The following CYP2E1 variants were observed in gnomAD, a reference collection of about 807,000 sequenced individuals.
The protein encoded by CYP2E1 is cytochrome P450 family 2 subfamily E member 1, also known as cytochrome P450 2E1.
CYP2E1 carries 31 observed loss-of-function variants against 42.9 expected under a neutral mutation model. The observed-to-expected ratio is 0.72, with a 90% CI of 0.54 to 0.98. The LOEUF (loss-of-function observed/expected upper bound fraction) is 0.98. Ranked by LOEUF, CYP2E1 falls within the 50% of genes least tolerant of loss-of-function variation. CYP2E1 has a pLI of 0.00. For synonymous variants in CYP2E1, 244 were observed against 248.9 expected, an observed-to-expected ratio of 0.98 and a Z score of 0.19; for missense variants, 565 against 633.2, an observed-to-expected ratio of 0.89 and a Z score of 1.16.
Position 133,539,026 on chromosome 10 carries a change from G to T in CYP2E1, c.*62G>T. On this transcript the variant is annotated 3_prime_UTR_variant, in exon 9 of 9. Coordinates refer to ENST00000252945, the MANE Select transcript of CYP2E1 (RefSeq NM_000773.4). ...CAAGTTTTCAAATTGTTTGAGGTCA[G>T]GATTTCTCAAACTGATTCCTTTCTT... 1 of 1,374,262 alleles carries T rather than the reference G, an allele frequency of 7.3e-7. No individual in the cohort carries two copies. The highest frequency in any genetic ancestry group is 9.9e-7 in the Non-Finnish European group (1 of 1,014,018). The allele number at this position is 1,374,262 out of a possible 1,614,324, so 85.1% of individuals were successfully genotyped here.
intron 6 of CYP2E1, among the ~76,000 whole-genome samples, chr10:133,536,320 G>A (rs1851395063): frequency 6.6e-6 from 1 of 151,942 alleles, no homozygotes; most frequent in Non-Finnish European, 1.5e-5. Flanking sequence ...AAAGGACCTG[G>A]GGAACCTTAA....
Position 133,532,844 on chromosome 10 carries a change from C to T in CYP2E1, c.801C>T (p.Asp267=). 6.2e-7 allele frequency: 1 copy of T among 1,607,724 alleles called. No homozygotes were observed. ...CCAACTGTCCCCGGGACCTCACCGA[C>T]TGCCTGCTCGTGGAAATGGAGAAGG... ...LDPNCPRDLT[D]CLLVEMEKEK... The change falls in exon 5 of 9, where the codon GAC becomes GAT. Residue 267 remains aspartate, a synonymous_variant. Transcript: ENST00000252945.
chr10:133,532,467 C>A (rs932615346), intron 4 of CYP2E1, among the ~76,000 whole-genome samples, 183 bp downstream of exon 4: 2 of 152,164 alleles, frequency 1.3e-5, no homozygotes, highest in Non-Finnish European at 2.9e-5. Flanking sequence ...CACGCACCCC[C>A]TTTCCTAACG....
intron 2 of CYP2E1, 32 bp downstream of exon 2, chr10:133,528,672 G>T (rs549257638): frequency 6.2e-7 from 1 of 1,611,052 alleles, no homozygotes; most frequent in East Asian, 2.2e-5. Flanking sequence ...GGAGCGGGGG[G>T]TGCATAACAC....
At chr10:133,536,318 TG>T (rs1851395020) in intron 6 of CYP2E1, among the ~76,000 whole-genome samples, 1 of 152,012 alleles carries the variant, frequency 6.6e-6, no homozygotes, top group Non-Finnish European at 1.5e-5. Context: ...TCAAAGGACC[TG>T]GGGAACCTTA....
At chr10:133,528,407 G>T (rs936491511) in intron 1 of CYP2E1, 74 bp from the exon 2 acceptor site, 24 of 1,557,532 alleles carry the variant, frequency 1.5e-5, no homozygotes, top group Non-Finnish European at 2.0e-5. Flanking sequence ...TACCCGCCCG[G>T]CAGGGGTGTG....
chr10:133,536,877 A>G (rs1444574322), intron 6 of CYP2E1, among the ~76,000 whole-genome samples, 186 bp from the exon 7 acceptor site: 4 of 140,030 alleles, frequency 2.9e-5, no homozygotes, highest in Admixed American at 7.0e-5. Context: ...GGGTGGGTGG[A>G]TGGATGCATG....
intron 8 of CYP2E1, among the ~76,000 whole-genome samples, 159 bp from the exon 9 acceptor site, chr10:133,538,621 A>C (rs373029657): frequency 6.6e-6 from 1 of 152,112 alleles, no homozygotes; most frequent in East Asian, 1.9e-4. Flanking sequence ...ACTCAAGTAC[A>C]TTTTGTGCTT....
At position 133,532,412 on chromosome 10, in the gene CYP2E1, G is replaced by A. The variant is rs951786242; in HGVS notation, c.648+128G>A. ...AACAACATAGCTTCGAGGGGTGTTT[G>A]ATTAGACAGCCCAAATATTCCTCCC... On this transcript the variant is annotated intron_variant, in intron 4 of 8. Coordinates refer to ENST00000252945, the MANE Select transcript of CYP2E1 (RefSeq NM_000773.4). 9.6e-6 allele frequency: 9 copies of A among 933,956 alleles called. No individual in the cohort carries two copies. The Admixed American group carries it at 1.8e-4, about 18-fold the overall frequency. 57.9% of individuals were successfully genotyped at this position (933,956 alleles called of 1,614,324 possible).
At chr10:133,536,804 G>C (rs1470003686) in intron 6 of CYP2E1, among the ~76,000 whole-genome samples, 3 of 129,590 alleles carry the variant, frequency 2.3e-5, no homozygotes, top group Non-Finnish European at 5.0e-5. Flanking sequence ...AGGGTGGATG[G>C]ATGGGTGGTT....
intron 1 of CYP2E1, chr10:133,527,944 G>A (rs41299400): frequency 0.011 from 2,784 of 262,034 alleles, 93 homozygotes; most frequent in African/African-American, 0.057. Context: ...CAGCCCGTGT[G>A]GCACCAATAC....
At chr10:133,532,306 A>G in intron 4 of CYP2E1, 22 bp downstream of exon 4, 1 of 1,606,634 alleles carries the variant, frequency 6.2e-7, no homozygotes, top group Non-Finnish European at 8.5e-7. Flanking sequence ...TTCCTCTTTC[A>G]TCAGTCATCA....
intron 7 of CYP2E1, 136 bp downstream of exon 7, chr10:133,537,386 C>T: frequency 2.4e-6 from 2 of 844,208 alleles, no homozygotes; most frequent in Non-Finnish European, 3.7e-6. Context: ...TGGCCCCACT[C>T]CCACCCTGTG....
At chr10:133,534,024 T>G in intron 6 of CYP2E1, 127 bp downstream of exon 6, 1 of 1,028,898 alleles carries the variant, frequency 9.7e-7, no homozygotes. Flanking sequence ...TGTGGTGAGA[T>G]GGCTAGATGC....
At position 133,531,751 on chromosome 10, in the gene CYP2E1, T is replaced by C; in HGVS notation, c.487+17T>C. 1 of 1,568,992 alleles carries C rather than the reference T, an allele frequency of 6.4e-7. No homozygotes were observed. The highest frequency in any genetic ancestry group is 1.9e-4 in the Middle Eastern group (1 of 5,236). ...AGACCCAAGGTGCGTATCTGCTGCCTAGCAGGGCCCAGTCCTCTTGCAGAC... is the reference window on the plus strand; with the variant it reads ...AGACCCAAGGTGCGTATCTGCTGCCCAGCAGGGCCCAGTCCTCTTGCAGAC... On this transcript the variant is annotated intron_variant, in intron 3 of 8. Transcript: ENST00000252945.
chr10:133,531,886 T>G, intron 3 of CYP2E1, 152 bp downstream of exon 3: 2 of 851,256 alleles, frequency 2.3e-6, no homozygotes, highest in Non-Finnish European at 3.6e-6. Context: ...TTTACAACTC[T>G]AGGTTCCAGC....
chr10:133,534,528 A>G (rs543778489), intron 6 of CYP2E1, among the ~76,000 whole-genome samples: 1 of 152,168 alleles, frequency 6.6e-6, no homozygotes, highest in Non-Finnish European at 1.5e-5. Flanking sequence ...ACCCGCATGC[A>G]AACAGGCCAG....
chr10:133,532,963 G>A, intron 5 of CYP2E1, 95 bp downstream of exon 5: 1 of 1,152,340 alleles, frequency 8.7e-7, no homozygotes, highest in South Asian at 1.6e-5. Context: ...CTGGTGTCCA[G>A]ACCTCCCACC....
At chr10:133,538,418 G>C (rs1281054192) in intron 8 of CYP2E1, among the ~76,000 whole-genome samples, 1 of 152,102 alleles carries the variant, frequency 6.6e-6, no homozygotes, top group Non-Finnish European at 1.5e-5. Flanking sequence ...TTCACACCCA[G>C]TGCTGGAGCC....
Sources: gnomAD v4.1 joint callset for allele counts (sites outside exome capture counted in the v4.1 genomes callset) on GRCh38, gnomAD v4.1.1 for gene constraint, MANE v1.5 for transcripts, NCBI Gene and HGNC (gene_info 2026-07-23, HGNC 2026-07-21) for gene names.